Variants in SORCS3 observed in about 807,000 individuals in gnomAD.
The protein encoded by SORCS3 is VPS10 domain-containing receptor SorCS3.
In SORCS3, 57 loss-of-function variants were observed where a neutral mutation model predicts 146.3. The ratio of observed to expected loss-of-function variants is 0.39; its 90% CI spans 0.31 to 0.49. The LOEUF (loss-of-function observed/expected upper bound fraction) is 0.49, where lower values mean the gene tolerates loss of function less well. SORCS3 is among the 20% of genes least tolerant of loss of function. The probability of loss-of-function intolerance (pLI) is 0.92; values close to 1 mark genes in which losing one functional copy is unlikely to be tolerated. For missense variants in SORCS3, 1,341 were observed against 1,575.5 expected (o/e 0.85, Z 2.52); for synonymous variants, 653 against 618.5 (o/e 1.06, Z -0.83).
chr10:104,997,967 C>T (rs187970546), intron 4 of SORCS3, among the ~76,000 whole-genome samples: 214 of 152,126 alleles, frequency 1.4e-3, no homozygotes, highest in Non-Finnish European at 2.5e-3. Context: ...CAGGAAATGG[C>T]CTTTGTAGAC....
intron 1 of SORCS3, among the ~76,000 whole-genome samples, chr10:104,820,023 C>T (rs1418691948): frequency 6.6e-6 from 1 of 152,112 alleles, no homozygotes; most frequent in African/African-American, 2.4e-5. Context: ...GTTGGGTTTA[C>T]TTTAAACTTA....
At chr10:105,038,636 A>G (rs1392763279) in intron 4 of SORCS3, among the ~76,000 whole-genome samples, 1 of 152,210 alleles carries the variant, frequency 6.6e-6, no homozygotes, top group Non-Finnish European at 1.5e-5. Flanking sequence ...GGAAACTTCA[A>G]AAATATATAA....
chr10:104,766,826 A>T (rs2017186406), intron 1 of SORCS3, among the ~76,000 whole-genome samples: 1 of 152,162 alleles, frequency 6.6e-6, no homozygotes, highest in South Asian at 2.1e-4. Context: ...TTGTAACTTG[A>T]ATTGTTTTTG....
At chr10:104,813,955 G>T (rs1353933153) in intron 1 of SORCS3, among the ~76,000 whole-genome samples, 1 of 149,448 alleles carries the variant, frequency 6.7e-6, no homozygotes, top group African/African-American at 2.5e-5. Flanking sequence ...TTGCCAGGGG[G>T]TGTGGTCTTT....
chr10:104,987,335 C>A (rs985597545), intron 4 of SORCS3, among the ~76,000 whole-genome samples: 3 of 151,962 alleles, frequency 2.0e-5, no homozygotes, highest in Non-Finnish European at 4.4e-5. Flanking sequence ...TTTTTGCATA[C>A]CATTTCTTTT....
At chr10:104,688,156 G>A (rs1288781563) in intron 1 of SORCS3, among the ~76,000 whole-genome samples, 2 of 152,260 alleles carry the variant, frequency 1.3e-5, no homozygotes, top group African/African-American at 2.4e-5. Context: ...TCTCCCAGAA[G>A]CGGGTCTGGA....
chr10:105,013,908 G>T (rs899623968), intron 4 of SORCS3, among the ~76,000 whole-genome samples: 1 of 151,658 alleles, frequency 6.6e-6, no homozygotes, highest in Non-Finnish European at 1.5e-5. Context: ...GTTGGAGTGG[G>T]TTGCTAACTT....
intron 6 of SORCS3, 95 bp from the exon 7 acceptor site, chr10:105,105,302 G>A: frequency 1.4e-6 from 1 of 701,992 alleles, no homozygotes; most frequent in East Asian, 2.7e-5. Flanking sequence ...AAATTACCTT[G>A]TTGATTCCCC....
At chr10:104,877,954 A>C (rs140004960) in intron 2 of SORCS3, among the ~76,000 whole-genome samples, 1 of 152,226 alleles carries the variant, frequency 6.6e-6, no homozygotes, top group Non-Finnish European at 1.5e-5. Flanking sequence ...ATTTATACAT[A>C]TATACCTCAC....
chr10:104,788,273 AC>A (rs1316045329), intron 1 of SORCS3, among the ~76,000 whole-genome samples: 1 of 152,184 alleles, frequency 6.6e-6, no homozygotes, highest in African/African-American at 2.4e-5. Flanking sequence ...TAGAAAGATA[AC>A]TGTAATGTCT....
chr10:104,712,730 T>C (rs1483545432), intron 1 of SORCS3, among the ~76,000 whole-genome samples: 1 of 152,218 alleles, frequency 6.6e-6, no homozygotes, highest in South Asian at 2.1e-4. Context: ...ATGGACCTAC[T>C]GCTTCCAACA....
intron 20 of SORCS3, among the ~76,000 whole-genome samples, chr10:105,244,154 G>C (rs1346496858): frequency 6.6e-6 from 1 of 152,082 alleles, no homozygotes; most frequent in Non-Finnish European, 1.5e-5. Flanking sequence ...TAGAGAATTT[G>C]AGAGGGCACT....
chr10:104,749,751 A>G (rs995842610), intron 1 of SORCS3, among the ~76,000 whole-genome samples: 2 of 152,178 alleles, frequency 1.3e-5, no homozygotes, highest in African/African-American at 4.8e-5. Flanking sequence ...AGGGCCAGTC[A>G]TGTCACTTTT....
At chr10:105,145,471 T>G (rs2056124374) in intron 8 of SORCS3, among the ~76,000 whole-genome samples, 2 of 152,090 alleles carry the variant, frequency 1.3e-5, no homozygotes, top group African/African-American at 4.8e-5. Flanking sequence ...GTGTTTTAAG[T>G]TGTTCTTTTC....
intron 5 of SORCS3, among the ~76,000 whole-genome samples, chr10:105,058,310 C>T (rs868827969): frequency 5.3e-5 from 8 of 152,148 alleles, no homozygotes; most frequent in African/African-American, 1.2e-4. Context: ...GATGGCCTTG[C>T]GCTTCTCCAA....
chr10:104,688,476 G>A (rs2016074948), intron 1 of SORCS3, among the ~76,000 whole-genome samples: 1 of 152,142 alleles, frequency 6.6e-6, no homozygotes, highest in South Asian at 2.1e-4. Flanking sequence ...CGTGGGCAGA[G>A]AGTAGCAGCG....
intron 14 of SORCS3, among the ~76,000 whole-genome samples, chr10:105,190,855 A>G (rs535154532): frequency 1.6e-3 from 243 of 152,372 alleles, no homozygotes; most frequent in African/African-American, 5.7e-3. Flanking sequence ...GTAAATAATC[A>G]TAATATATAA....
chr10:104,975,087 G>A (rs908612130), intron 3 of SORCS3, among the ~76,000 whole-genome samples: 4 of 152,054 alleles, frequency 2.6e-5, no homozygotes, highest in African/African-American at 7.2e-5. Flanking sequence ...AGGAAATAAA[G>A]GGTATTCAAT....
chr10:105,257,512 G>A (rs898002559), intron 25 of SORCS3, among the ~76,000 whole-genome samples: 26 of 152,110 alleles, frequency 1.7e-4, no homozygotes, highest in African/African-American at 5.8e-4. Context: ...AGAAGGGGTG[G>A]TATAACAAGA....
Sources: gnomAD v4.1 joint callset for allele counts (sites outside exome capture counted in the v4.1 genomes callset) on GRCh38, gnomAD v4.1.1 for gene constraint, MANE v1.5 for transcripts, NCBI Gene and HGNC (gene_info 2026-07-23, HGNC 2026-07-21) for gene names.